The following XKR4 variants were observed in gnomAD, a reference collection of about 807,000 sequenced individuals.
The protein encoded by XKR4 is XK-related protein 4.
In XKR4, 12 loss-of-function variants were observed where a neutral mutation model predicts 53.9. The ratio of observed to expected loss-of-function variants is 0.22; its 90% CI spans 0.14 to 0.36. The LOEUF is 0.36. XKR4 is among the 10% of genes least tolerant of loss of function. XKR4 has a pLI of 1.00. For synonymous variants in XKR4, 354 were observed against 362.4 expected (o/e 0.98, Z 0.26); for missense variants, 799 against 859.5 (o/e 0.93, Z 0.88).
In XKR4 at chr8:55,171,495, C is replaced by T. The variant is rs545460873; in HGVS notation, c.806+68201C>T. ...TTCATACGTCTCCGTGTCATTTTAC[C>T]TGGTGACCAGCTTAGGTCTCCCTGG... On this transcript the variant is annotated intron_variant, in intron 1 of 2. Coordinates refer to ENST00000327381, the MANE Select transcript of XKR4 (RefSeq NM_052898.2). Among the ~76,000 whole-genome samples, 6 of 152,312 alleles carry T rather than the reference C, an allele frequency of 3.9e-5. No individual in the cohort carries two copies. The East Asian group carries it at 1.2e-3, about 29-fold the overall frequency.
chr8:55,220,372 CTTTTT>C, intron 1 of XKR4, among the ~76,000 whole-genome samples: 1 of 152,262 alleles, frequency 6.6e-6, no homozygotes, highest in African/African-American at 2.4e-5. Flanking sequence ...GCAAGTCAGT[CTTTTT>C]TGGACACTAA....
intron 2 of XKR4, among the ~76,000 whole-genome samples, chr8:55,392,317 C>A (rs868596556): frequency 6.6e-6 from 1 of 152,128 alleles, no homozygotes; most frequent in Non-Finnish European, 1.5e-5. Context: ...ACTGGAGCAT[C>A]TTACTGTCCC....
chr8:55,406,064 T>A (rs1804677865), intron 2 of XKR4, among the ~76,000 whole-genome samples: 1 of 152,208 alleles, frequency 6.6e-6, no homozygotes, highest in African/African-American at 2.4e-5. Flanking sequence ...TGATGAGATG[T>A]CTCTGTTCCT....
In XKR4 at chr8:55,103,879, A is replaced by G. The variant is rs909112359; in HGVS notation, c.806+585A>G. 1.0e-4 allele frequency among the ~76,000 whole-genome samples: 14 copies of G among 139,100 alleles called. No individual in the cohort carries two copies. The South Asian group carries it at 1.8e-3, about 18-fold the overall frequency. The allele number at this position is 139,100 out of a possible 152,430, so 91.3% of individuals were successfully genotyped here. The stretch of plus-strand genomic sequence containing the variant: ...TATATATATATATATATATATATAT[A>G]TATATATATATATATCCCCGAGCAT... On this transcript the variant is annotated intron_variant, in intron 1 of 2. Coordinates refer to ENST00000327381, the MANE Select transcript of XKR4 (RefSeq NM_052898.2).
chr8:55,426,036 A>G (rs1182177553), intron 2 of XKR4, among the ~76,000 whole-genome samples: 1 of 152,154 alleles, frequency 6.6e-6, no homozygotes, highest in Non-Finnish European at 1.5e-5. Flanking sequence ...CCTCACCAAC[A>G]CCATACTGCT....
At chr8:55,141,418 C>A (rs939677346) in intron 1 of XKR4, among the ~76,000 whole-genome samples, 1 of 152,088 alleles carries the variant, frequency 6.6e-6, no homozygotes, top group Non-Finnish European at 1.5e-5. Context: ...CTGCCCTCCT[C>A]CTCCTCACCT....
intron 2 of XKR4, among the ~76,000 whole-genome samples, chr8:55,482,913 A>G (rs1236945896): frequency 1.3e-5 from 2 of 152,192 alleles, no homozygotes; most frequent in Admixed American, 1.3e-4. Flanking sequence ...GCTATTATCA[A>G]TTATATTTTT....
intron 2 of XKR4, among the ~76,000 whole-genome samples, chr8:55,480,422 A>G (rs944801064): frequency 2.6e-5 from 4 of 152,240 alleles, no homozygotes; most frequent in African/African-American, 9.6e-5. Flanking sequence ...AGAGCTATCT[A>G]TGACAAACCC....
intron 1 of XKR4, among the ~76,000 whole-genome samples, chr8:55,288,190 C>A (rs1196094642): frequency 6.6e-6 from 1 of 152,156 alleles, no homozygotes; most frequent in Non-Finnish European, 1.5e-5. Context: ...TTTTCAGAGG[C>A]AATGTGTCTC....
At chr8:55,193,738 G>A (rs947633915) in intron 1 of XKR4, among the ~76,000 whole-genome samples, 5 of 152,222 alleles carry the variant, frequency 3.3e-5, no homozygotes, top group African/African-American at 4.8e-5. Flanking sequence ...TTAGGACCCC[G>A]TGGGGTGAAG....
At chr8:55,285,581 G>T (rs1818897445) in intron 1 of XKR4, among the ~76,000 whole-genome samples, 1 of 152,174 alleles carries the variant, frequency 6.6e-6, no homozygotes, top group South Asian at 2.1e-4. Context: ...TTAGAGCAAG[G>T]CTTGCTAATA....
At chr8:55,499,373 T>G (rs1423088689) in intron 2 of XKR4, among the ~76,000 whole-genome samples, 2 of 152,228 alleles carry the variant, frequency 1.3e-5, no homozygotes, top group Admixed American at 6.5e-5. Context: ...TATCCCACTG[T>G]TTGAAAATCA....
At chr8:55,289,554 AAG>A (rs1818952634) in intron 1 of XKR4, among the ~76,000 whole-genome samples, 5 of 131,770 alleles carry the variant, frequency 3.8e-5, no homozygotes, top group Admixed American at 3.2e-4. Flanking sequence ...GGAAGGAAGG[AAG>A]GAAGGAAGGA....
chr8:55,164,222 A>C (rs769779178), intron 1 of XKR4: 21 of 456,532 alleles, frequency 4.6e-5, no homozygotes, highest in African/African-American at 4.2e-4. Context: ...ACCTTTCCTG[A>C]ATTCTGTCGG....
At chr8:55,284,666 C>T (rs781519559) in intron 1 of XKR4, among the ~76,000 whole-genome samples, 1 of 152,152 alleles carries the variant, frequency 6.6e-6, no homozygotes, top group Non-Finnish European at 1.5e-5. Context: ...ATGTCCTAGT[C>T]ATGGGACATA....
chr8:55,174,342 C>G (rs1268622344), intron 1 of XKR4, among the ~76,000 whole-genome samples: 1 of 152,080 alleles, frequency 6.6e-6, no homozygotes, highest in Non-Finnish European at 1.5e-5. Context: ...TTAAATGGAC[C>G]TTGACTCCAC....
At chr8:55,296,983 G>T (rs575905754) in intron 1 of XKR4, among the ~76,000 whole-genome samples, 1 of 152,106 alleles carries the variant, frequency 6.6e-6, no homozygotes, top group African/African-American at 2.4e-5. Context: ...AATGCTTAAC[G>T]ATTGAGGGTC....
At chr8:55,312,186 GTT>G (rs5891568) in intron 1 of XKR4, among the ~76,000 whole-genome samples, 2,713 of 147,186 alleles carry the variant, frequency 0.018, 62 homozygotes, top group African/African-American at 0.054. Context: ...CTCTGACTCT[GTT>G]TTTTTTTTTA....
At chr8:55,237,323 C>A (rs1434501096) in intron 1 of XKR4, among the ~76,000 whole-genome samples, 1 of 152,142 alleles carries the variant, frequency 6.6e-6, no homozygotes, top group African/African-American at 2.4e-5. Flanking sequence ...TGATTAGAAG[C>A]CTTACCAATA....
Sources: allele counts gnomAD v4.1 joint callset (sites outside exome capture counted in the v4.1 genomes callset), GRCh38; gene constraint gnomAD v4.1.1; transcripts MANE v1.5; gene names NCBI Gene and HGNC (gene_info 2026-07-23, HGNC 2026-07-21).